The following LRBA variants were observed in gnomAD, a reference collection of about 807,000 sequenced individuals.
LRBA encodes LPS responsive beige-like anchor protein, also known as lipopolysaccharide-responsive and beige-like anchor protein.
A neutral mutation model predicts 330.0 loss-of-function variants in LRBA; 176 were observed. That is an observed-to-expected ratio of 0.53 (90% confidence interval 0.47 to 0.60). The LOEUF (loss-of-function observed/expected upper bound fraction) is 0.60. Among genes scored for constraint, LRBA ranks in the 20% least tolerant of loss-of-function variants. The pLI, the probability that LRBA is intolerant of heterozygous loss-of-function variation, is 0.00. For missense variants in LRBA, 3,259 were observed against 3,444.8 expected (o/e 0.95, Z 1.35); for synonymous variants, 1,230 against 1,193.0 (o/e 1.03, Z -0.64).
intron 28 of LRBA, among the ~76,000 whole-genome samples, chr4:150,837,152 C>T (rs972866127): frequency 4.6e-5 from 7 of 152,142 alleles, no homozygotes; most frequent in African/African-American, 7.2e-5. Context: ...GCACTGTGGT[C>T]GGAGAGATGG....
At chr4:150,702,663 A>G (rs1312148651) in intron 36 of LRBA, among the ~76,000 whole-genome samples, 1 of 152,158 alleles carries the variant, frequency 6.6e-6, no homozygotes, top group African/African-American at 2.4e-5. Context: ...ACAAATCCCA[A>G]ATCTGTGCTT....
Position 150,908,652 on chromosome 4 carries a change from G to T in LRBA, c.1359+8C>A, listed in dbSNP as rs962547118. On this transcript the variant is annotated splice_region_variant and intron_variant, in intron 10 of 56. Transcript: ENST00000651943. Reference sequence around the variant, plus strand: ...TTATAAATGTTCTTAAAAGATCACAGTTAGTACCTGGAGCATGAGTGCATG... The same window carrying T: ...TTATAAATGTTCTTAAAAGATCACATTTAGTACCTGGAGCATGAGTGCATG... 6 of 1,607,368 alleles carry T rather than the reference G, an allele frequency of 3.7e-6. No individual in the cohort carries two copies. The highest frequency in any genetic ancestry group is 5.1e-6 in the Non-Finnish European group (6 of 1,175,976).
At chr4:150,961,194 C>T (rs548933944) in intron 2 of LRBA, among the ~76,000 whole-genome samples, 3 of 149,290 alleles carry the variant, frequency 2.0e-5, no homozygotes, top group East Asian at 1.9e-4. Context: ...TTTTGAGGGT[C>T]AAACCCAGGC....
intron 40 of LRBA, among the ~76,000 whole-genome samples, chr4:150,532,544 T>C (rs1410518215): frequency 6.6e-6 from 1 of 152,134 alleles, no homozygotes; most frequent in Non-Finnish European, 1.5e-5. Context: ...ATAGGGTCAT[T>C]TATCTTTAAA....
At chr4:150,680,157 C>T (rs1309969749) in intron 37 of LRBA, among the ~76,000 whole-genome samples, 16 of 152,184 alleles carry the variant, frequency 1.1e-4, no homozygotes, top group Admixed American at 9.2e-4. Flanking sequence ...TCTTATCAAG[C>T]TCTCTCAGTT....
At chr4:150,947,066 T>C (rs1194136898) in intron 2 of LRBA, among the ~76,000 whole-genome samples, 1 of 151,962 alleles carries the variant, frequency 6.6e-6, no homozygotes, top group Non-Finnish European at 1.5e-5. Context: ...ATTAAGGAAA[T>C]TAAGTTCATA....
At chr4:150,376,614 C>T (rs1186900746) in intron 47 of LRBA, among the ~76,000 whole-genome samples, 1 of 152,008 alleles carries the variant, frequency 6.6e-6, no homozygotes, top group Non-Finnish European at 1.5e-5. Context: ...AGGACCCAAC[C>T]CAGAATCCCA....
intron 36 of LRBA, among the ~76,000 whole-genome samples, chr4:150,705,580 C>G (rs113401802): frequency 5.9e-5 from 9 of 151,898 alleles, no homozygotes; most frequent in Non-Finnish European, 1.2e-4. Context: ...AAGAATAGAA[C>G]ATGACAATTA....
chr4:150,788,509 T>C (rs181792761), intron 34 of LRBA, among the ~76,000 whole-genome samples: 68 of 152,152 alleles, frequency 4.5e-4, no homozygotes, highest in Non-Finnish European at 7.6e-4. Context: ...AAAACATTTA[T>C]TAAAATTCAA....
intron 53 of LRBA, among the ~76,000 whole-genome samples, chr4:150,295,528 G>T (rs921091584): frequency 6.6e-6 from 1 of 152,084 alleles, no homozygotes; most frequent in African/African-American, 2.4e-5. Context: ...GATTATCAAG[G>T]TAGTACATGC....
At chr4:150,437,095 T>C (rs1751216544) in intron 44 of LRBA, among the ~76,000 whole-genome samples, 1 of 152,140 alleles carries the variant, frequency 6.6e-6, no homozygotes, top group African/African-American at 2.4e-5. Context: ...TCCATAAGTC[T>C]AGTTTTCATG....
rs772108087 is a variant in LRBA at position 150,906,289 on chromosome 4, T to A, written c.1602+8A>T. ...AGAATCAAAAACATAAAATATTTCA[T>A]ACTTTACCTTTTCAAGGCTATATCC... On this transcript the variant is annotated splice_region_variant and intron_variant, in intron 12 of 56. Coordinates refer to ENST00000651943, the MANE Select transcript of LRBA (RefSeq NM_001364905.1). 4 of 1,510,758 alleles carry A rather than the reference T, an allele frequency of 2.6e-6. No homozygotes were observed. The highest frequency in any genetic ancestry group is 3.7e-6 in the Non-Finnish European group (4 of 1,091,410). The allele number at this position is 1,510,758 out of a possible 1,614,324, so 93.6% of individuals were successfully genotyped here.
At chr4:150,717,532 C>A (rs1040965616) in intron 36 of LRBA, among the ~76,000 whole-genome samples, 2 of 151,558 alleles carry the variant, frequency 1.3e-5, no homozygotes, top group African/African-American at 4.8e-5. Context: ...TGGTGGTGTG[C>A]ACATGTAGTG....
chr4:150,368,441 T>C lies in LRBA; in HGVS notation c.7195-18282A>G, dbSNP rs574340897. ...ACTCTGGACAGCACATACAGAGTAC[T>C]GGCTAACAGTCTAACAAAAGTTAAA... On this transcript the variant is annotated intron_variant, in intron 47 of 56. Coordinates refer to ENST00000651943, the MANE Select transcript of LRBA (RefSeq NM_001364905.1). Among the ~76,000 whole-genome samples the C allele has an allele frequency of 4.6e-5, 7 of 152,320 alleles. No homozygotes were observed. In the East Asian group the frequency reaches 1.3e-3, roughly 29 times the overall value.
chr4:150,586,629 A>T (rs766596386), intron 40 of LRBA, among the ~76,000 whole-genome samples: 4 of 152,260 alleles, frequency 2.6e-5, no homozygotes, highest in Non-Finnish European at 5.9e-5. Context: ...AAGCAACAAG[A>T]AAAAAATAAT....
chr4:150,913,357 C>G (rs1579184258), intron 9 of LRBA, among the ~76,000 whole-genome samples: 2 of 152,144 alleles, frequency 1.3e-5, no homozygotes, highest in East Asian at 3.8e-4. Flanking sequence ...ATCCCAGGTA[C>G]TTGGGAGGCT....
Position 150,744,101 on chromosome 4 carries a change from G to T in LRBA, c.5646-8735C>A, listed in dbSNP as rs923132233. Among the ~76,000 whole-genome samples the T allele has an allele frequency of 1.6e-4, 25 of 151,862 alleles. 1 individual carries two copies. Among genetic ancestry groups the T allele is most frequent in the Admixed American group, 1.2e-3 (18 of 15,232 alleles). ...ATGCTATTAAACAGTACTCATTTAG[G>T]CATTACAGACAAAAACCATCCCTAG... On this transcript the variant is annotated intron_variant, in intron 35 of 56. Coordinates refer to ENST00000651943, the MANE Select transcript of LRBA (RefSeq NM_001364905.1).
intron 40 of LRBA, among the ~76,000 whole-genome samples, chr4:150,517,517 T>C (rs909005543): frequency 1.3e-5 from 2 of 151,840 alleles, no homozygotes; most frequent in African/African-American, 4.8e-5. Flanking sequence ...CAAAACCCTG[T>C]ATCAAAAAAA....
intron 35 of LRBA, among the ~76,000 whole-genome samples, chr4:150,751,209 A>T (rs78240408): frequency 0.028 from 4,221 of 152,214 alleles, 182 homozygotes; most frequent in African/African-American, 0.096. Context: ...ATATTATAAA[A>T]AGTGATTGGG....
Sources: gnomAD v4.1 joint callset for allele counts (sites outside exome capture counted in the v4.1 genomes callset) on GRCh38, gnomAD v4.1.1 for gene constraint, MANE v1.5 for transcripts, NCBI Gene and HGNC (gene_info 2026-07-23, HGNC 2026-07-21) for gene names.